ARID1B: variants seen among roughly 807,000 people sequenced by gnomAD.
ARID1B encodes AT-rich interaction domain 1B.
ARID1B carries 30 observed loss-of-function variants against 212.3 expected under a neutral mutation model. The observed-to-expected ratio is 0.14, with a 90% CI of 0.11 to 0.19. ARID1B has a LOEUF of 0.19. Ranked by LOEUF, ARID1B falls within the 10% of genes least tolerant of loss-of-function variation. ARID1B has a pLI of 1.00. For missense variants in ARID1B, 2,891 were observed against 3,204.0 expected (o/e 0.90, Z 2.36); for synonymous variants, 1,402 against 1,301.7 (o/e 1.08, Z -1.66).
intron 2 of ARID1B, among the ~76,000 whole-genome samples, chr6:156,882,318 A>G (rs544910821): frequency 5.9e-5 from 9 of 152,260 alleles, no homozygotes; most frequent in Admixed American, 4.6e-4. Context: ...GATGCCACTC[A>G]GAATCTCCCT....
At chr6:156,867,263 A>G (rs1382266558) in intron 2 of ARID1B, among the ~76,000 whole-genome samples, 1 of 152,228 alleles carries the variant, frequency 6.6e-6, no homozygotes. Flanking sequence ...TGCAAACACC[A>G]TAGGCAGTTA....
intron 2 of ARID1B, among the ~76,000 whole-genome samples, chr6:156,851,951 C>T (rs375667260): frequency 1.4e-4 from 22 of 152,254 alleles, no homozygotes; most frequent in African/African-American, 5.3e-4. Context: ...GTTATCTCAG[C>T]GCAAGGCTGG....
In ARID1B at chr6:157,201,188, A is replaced by G. The variant is rs1359930751; in HGVS notation, c.4963A>G (p.Ile1655Val). 6.2e-7 allele frequency: 1 copy of G among 1,613,878 alleles called. No individual in the cohort carries two copies. The highest frequency in any genetic ancestry group is 1.1e-5 in the South Asian group (1 of 91,086). ...GTCGTCCTCAGCCTCCATGCAGCCC[A>G]TCACACGCCCACCACAGCCGTCCTA... The part of the protein sequence containing the change: ...YMSSSASMQP[I>V]TRPPQPSYQT... The change falls in exon 18 of 20, where the codon ATC (isoleucine) becomes GTC (valine). Residue 1655 changes from isoleucine to valine, a missense_variant. This residue lies in a region of ARID1B where 666 missense variants were observed against 873.5 expected (regional missense o/e 0.76). Coordinates refer to ENST00000636930, the MANE Select transcript of ARID1B (RefSeq NM_001374828.1). This position sits in a 1 kb window ranked among gnomAD's most constrained non-coding sequence, Gnocchi z 5.2.
intron 4 of ARID1B, among the ~76,000 whole-genome samples, chr6:157,059,733 C>G (rs1276161121): frequency 6.6e-6 from 1 of 152,186 alleles, no homozygotes; most frequent in Non-Finnish European, 1.5e-5. Flanking sequence ...TCTAAAGCTC[C>G]TGCCTGGCCT....
intron 1 of ARID1B, among the ~76,000 whole-genome samples, chr6:156,802,733 A>T (rs1028419376): frequency 3.3e-5 from 5 of 152,244 alleles, no homozygotes; most frequent in Non-Finnish European, 5.9e-5. Context: ...CTTTTAAATA[A>T]GGAGAAAGAT....
intron 8 of ARID1B, among the ~76,000 whole-genome samples, chr6:157,156,546 T>G (rs1464463719): frequency 6.6e-6 from 1 of 152,244 alleles, no homozygotes; most frequent in Non-Finnish European, 1.5e-5. Context: ...ATCAGAGATT[T>G]ATTTTTTAAT....
intron 2 of ARID1B, among the ~76,000 whole-genome samples, chr6:156,836,602 C>T (rs1381840551): frequency 6.6e-6 from 1 of 152,112 alleles, no homozygotes; most frequent in Non-Finnish European, 1.5e-5. Flanking sequence ...ACTATAAGAC[C>T]TCTCAGCTTG....
At chr6:157,131,017 T>C (rs1482149293) in intron 6 of ARID1B, among the ~76,000 whole-genome samples, 1 of 152,232 alleles carries the variant, frequency 6.6e-6, no homozygotes, top group Admixed American at 6.5e-5. Context: ...GCTCCATCTA[T>C]GAACTCGCTT....
At chr6:156,903,791 G>A (rs145990959) in intron 3 of ARID1B, among the ~76,000 whole-genome samples, 318 of 152,214 alleles carry the variant, frequency 2.1e-3, no homozygotes, top group African/African-American at 7.2e-3. Context: ...ATAACGACCA[G>A]AACATTTCTT....
At chr6:157,084,602 C>G (rs1784843371) in intron 4 of ARID1B, 60 bp from the exon 5 acceptor site, 1 of 1,566,138 alleles carries the variant, frequency 6.4e-7, no homozygotes, top group Non-Finnish European at 8.7e-7. Context: ...TTCAAGTCGT[C>G]TTTTGATGAG....
At position 156,959,807 on chromosome 6, in the gene ARID1B, C is replaced by T. The variant is rs548783155; in HGVS notation, c.2247+24231C>T. ...ATGTCCACCATCCCCTGCTGCCTTT[C>T]GATCCGTGGTGGCAGGCGGGAGGTC... On this transcript the variant is annotated intron_variant, in intron 4 of 19. Transcript: ENST00000636930. Among the ~76,000 whole-genome samples, 9 of 152,202 alleles carry T rather than the reference C, an allele frequency of 5.9e-5. No homozygotes were observed. The South Asian group carries it at 8.3e-4, about 14-fold the overall frequency.
At chr6:157,191,722 C>T (rs1038999191) in intron 15 of ARID1B, among the ~76,000 whole-genome samples, 1 of 152,116 alleles carries the variant, frequency 6.6e-6, no homozygotes, top group African/African-American at 2.4e-5. Context: ...CAAGTGCATT[C>T]AAGGCCTGTG....
rs1781499981 is a variant in ARID1B, at chr6:157,038,785, T to TA, written c.2248-45876dup. Reference sequence around the variant, plus strand: ...GCTCATTTTCATAATCCTTCATACTTACTGAGTATGCAGCAACGTTATAGA... The same window carrying TA: ...GCTCATTTTCATAATCCTTCATACTTAACTGAGTATGCAGCAACGTTATAGA... On this transcript the variant is annotated intron_variant, in intron 4 of 19. Coordinates refer to ENST00000636930, the MANE Select transcript of ARID1B (RefSeq NM_001374828.1). Among the ~76,000 whole-genome samples the TA allele has an allele frequency of 2.6e-5, 4 of 152,196 alleles. No homozygotes were observed. In the South Asian group the frequency reaches 8.3e-4, roughly 31 times the overall value.
chr6:156,835,223 G>C (rs537887221), intron 2 of ARID1B, among the ~76,000 whole-genome samples: 34 of 140,924 alleles, frequency 2.4e-4, no homozygotes, highest in African/African-American at 9.1e-4. Context: ...CTGGGTGACA[G>C]AGGGAGACTC....
At chr6:156,886,733 G>A (rs116123407) in intron 2 of ARID1B, among the ~76,000 whole-genome samples, 2,241 of 152,298 alleles carry the variant, frequency 0.015, 55 homozygotes, top group African/African-American at 0.051. Flanking sequence ...TTCCGGAAGT[G>A]TATGATAAAG....
At chr6:156,974,635 A>G (rs1777117413) in intron 4 of ARID1B, among the ~76,000 whole-genome samples, 1 of 152,238 alleles carries the variant, frequency 6.6e-6, no homozygotes, top group Non-Finnish European at 1.5e-5. Context: ...GCATAGAAAA[A>G]TCTTTACTTT....
At chr6:156,993,880 G>T (rs184034018) in intron 4 of ARID1B, among the ~76,000 whole-genome samples, 1 of 152,042 alleles carries the variant, frequency 6.6e-6, no homozygotes, top group African/African-American at 2.4e-5. Context: ...TTATCTCTTC[G>T]TAAAATATAT....
intron 2 of ARID1B, among the ~76,000 whole-genome samples, chr6:156,840,284 C>T (rs1783803179): frequency 6.6e-6 from 1 of 152,206 alleles, no homozygotes; most frequent in South Asian, 2.1e-4. Flanking sequence ...TTCCTTGAGA[C>T]ATTTCTCTGA....
intron 2 of ARID1B, among the ~76,000 whole-genome samples, chr6:156,894,993 A>G (rs2128196098): frequency 6.6e-6 from 1 of 152,316 alleles, no homozygotes; most frequent in South Asian, 2.1e-4. Flanking sequence ...TGAACTAGCA[A>G]GGGCCTGTCC....
Sources: allele counts gnomAD v4.1 joint callset (sites outside exome capture counted in the v4.1 genomes callset), GRCh38; gene constraint gnomAD v4.1.1; regional missense constraint gnomAD v4.1.1; non-coding constraint Gnocchi (gnomAD v3.1); transcripts MANE v1.5; gene names NCBI Gene and HGNC (gene_info 2026-07-23, HGNC 2026-07-21).